Variants in ZNF319 observed in about 807,000 individuals in gnomAD.
ZNF319 encodes zinc finger protein 319.
Under a neutral mutation model 46.0 loss-of-function variants are expected in ZNF319, and 15 were observed. The observed-to-expected ratio is 0.33, with a 90% CI of 0.22 to 0.50. ZNF319 has a LOEUF of 0.50. Ranked by LOEUF, ZNF319 falls within the 20% of genes least tolerant of loss-of-function variation. The probability of loss-of-function intolerance (pLI) is 0.98; values close to 1 mark genes in which losing one functional copy is unlikely to be tolerated. For missense variants in ZNF319, 635 were observed against 807.0 expected, an observed-to-expected ratio of 0.79 and a Z score of 2.58; for synonymous variants, 368 against 364.0, an observed-to-expected ratio of 1.01 and a Z score of -0.13.
rs778607628 is a variant in ZNF319, at chr16:57,996,860, GAGA to G, written c.1403_1405del (p.Phe468del). Reference sequence around the variant, plus strand: ...GCGGTGCTGCACGAACTCGGAAGAGGAGAAGAAGCGGCGTTCGCAAAGCGTGCA... The same window carrying G: ...GCGGTGCTGCACGAACTCGGAAGAGGAGAAGCGGCGTTCGCAAAGCGTGCA... On this transcript the variant is annotated inframe_deletion, in exon 2 of 2. Transcript: ENST00000299237. 50 of 1,604,056 alleles carry G rather than the reference GAGA, an allele frequency of 3.1e-5. No homozygotes were observed. The highest frequency in any genetic ancestry group is 6.7e-5 in the African/African-American group (5 of 74,910).
chr16:57,996,581 G>A lies in ZNF319; in HGVS notation c.1685C>T (p.Ala562Val), dbSNP rs754076994. The A allele has an allele frequency of 6.3e-7, 1 of 1,595,866 alleles. No homozygotes were observed. Among genetic ancestry groups the A allele is most frequent in the Non-Finnish European group, 8.5e-7 (1 of 1,176,266 alleles). Residue 562 changes from alanine (A) to valine (V), a missense_variant, in exon 2 of 2, where the codon GCG (alanine) becomes GTG (valine). Physicochemically the swap from Ala to Val is moderately conservative, Grantham distance 64 (BLOSUM62 0). This residue lies in a region of ZNF319 where 270 missense variants were observed against 281.4 expected (regional missense o/e 0.96). Transcript: ENST00000299237. ...LDVALLQEHS[A>V]QHSAAAAAAE... Reference sequence around the variant, plus strand: ...TGCCGCGGCGGCGGCACTGTGCTGCGCGCTGTGCTCCTGCAACAAGGCCAC... The same window carrying A: ...TGCCGCGGCGGCGGCACTGTGCTGCACGCTGTGCTCCTGCAACAAGGCCAC...
Position 57,997,671 on chromosome 16 carries a change from C to T in ZNF319, c.595G>A (p.Asp199Asn), listed in dbSNP as rs775451328. The change falls in exon 2 of 2, where the codon GAC (aspartate) becomes AAC (asparagine). Residue 199 changes from aspartate (D) to asparagine (N), a missense_variant. Asp to Asn is a conservative substitution (Grantham distance 23). Transcript: ENST00000299237. ...PSTVTPAEQA[D>N]KPYSCPICQK... ...CAGATGGGGCAGCTGTAGGGCTTGT[C>T]GGCCTGTTCAGCAGGGGTGACAGTG... The T allele has an allele frequency of 4.3e-6, 7 of 1,613,900 alleles. No homozygotes were observed. Among genetic ancestry groups the T allele is most frequent in the Non-Finnish European group, 5.9e-6 (7 of 1,180,030 alleles).
chr16:58,000,166 C>G lies in ZNF319; in HGVS notation c.-931G>C, dbSNP rs1008622198. On this transcript the variant is annotated 5_prime_UTR_variant, in exon 1 of 2. Coordinates refer to ENST00000299237, the MANE Select transcript of ZNF319 (RefSeq NM_020807.3). This position sits in a 1 kb window ranked among gnomAD's most constrained non-coding sequence, Gnocchi z 4.5. The stretch of plus-strand genomic sequence containing the variant: ...CAGCCCTCGTCCGGGATGGCCCGGC[C>G]GCTGCGACCCGAGGGCGAGCCCCGA... Among the ~76,000 whole-genome samples, 1 of 152,172 alleles carries G rather than the reference C, an allele frequency of 6.6e-6. No individual in the cohort carries two copies. The highest frequency in any genetic ancestry group is 1.5e-5 in the Non-Finnish European group (1 of 68,006).
chr16:57,998,134 G>A lies in ZNF319; in HGVS notation c.132C>T (p.Pro44=). 3.1e-6 allele frequency: 5 copies of A among 1,593,866 alleles called. No individual in the cohort carries two copies. Among genetic ancestry groups the A allele is most frequent in the South Asian group, 1.1e-5 (1 of 89,488 alleles). ...HTLPPGTAEN[P]LGCAVYGILL... The stretch of plus-strand genomic sequence containing the variant: ...GGATGCCATAGACGGCACAGCCCAG[G>A]GGGTTCTCCGCCGTGCCCGGAGGCA... The change falls in exon 2 of 2, where the codon CCC becomes CCT. Residue 44 remains proline (P), a synonymous_variant. Transcript: ENST00000299237.
At position 57,996,387 on chromosome 16, in the gene ZNF319, C is replaced by G; in HGVS notation, c.*130G>C. 7.0e-7 allele frequency: 1 copy of G among 1,428,656 alleles called. No homozygotes were observed. The highest frequency in any genetic ancestry group is 2.6e-4 in the Middle Eastern group (1 of 3,878). 88.5% of individuals were successfully genotyped at this position (1,428,656 alleles called of 1,614,324 possible). A position where few individuals can be genotyped will look rare whatever the true frequency, so the allele number is the denominator to read the frequency against. The stretch of plus-strand genomic sequence containing the variant: ...GCCTCATACCCCTGCGTCCTCACTC[C>G]CGAGGTCTCAGAACACCGAGCTGGG... On this transcript the variant is annotated 3_prime_UTR_variant, in exon 2 of 2. Transcript: ENST00000299237.
In ZNF319 at chr16:57,996,986, G is replaced by C; in HGVS notation, c.1280C>G (p.Pro427Arg). The change falls in exon 2 of 2, where the codon CCC (proline) becomes CGC (arginine). Residue 427 changes from proline to arginine, a missense_variant. Physicochemically the swap from Pro to Arg is moderately radical, Grantham distance 103. Coordinates refer to ENST00000299237, the MANE Select transcript of ZNF319 (RefSeq NM_020807.3). ...CTTGTTGCACACAGGGCACTTGAAG[G>C]GCCGCTCGGCCGCGCCGGGCAGGCA... is the stretch of plus-strand genomic sequence containing the variant. ...HKCLPGAAER[P>R]FKCPVCNKAY... The C allele has an allele frequency of 1.2e-6, 2 of 1,604,942 alleles. No homozygotes were observed. Among genetic ancestry groups the C allele is most frequent in the African/African-American group, 1.3e-5 (1 of 75,056 alleles).
At chr16:57,999,395 C>T (rs1963103277) in intron 1 of ZNF319, 98 bp downstream of exon 1, 1 of 152,274 alleles carries the variant, frequency 6.6e-6, no homozygotes, top group African/African-American at 2.4e-5. Flanking sequence ...CTCATCACCT[C>T]TCTAGAGACA....
Position 57,999,849 on chromosome 16 carries a change from G to C in ZNF319, c.-614C>G, listed in dbSNP as rs984079335. On this transcript the variant is annotated 5_prime_UTR_variant, in exon 1 of 2. Transcript: ENST00000299237. ...GGTGGGCTTCTCTGAGCGCCTGTAG[G>C]TCCGCTGTGCCAACCCACTGTTTTG... is the stretch of plus-strand genomic sequence containing the variant. The C allele has an allele frequency of 6.5e-6, 1 of 152,758 alleles. No individual in the cohort carries two copies. Among genetic ancestry groups the C allele is most frequent in the African/African-American group, 2.4e-5 (1 of 41,476 alleles). The allele number at this position is 152,758 out of a possible 1,614,324, so 9.5% of individuals were successfully genotyped here. A position where few individuals can be genotyped will look rare whatever the true frequency, so the allele number is the denominator to read the frequency against.
Position 57,996,353 on chromosome 16 carries a change from C to T in ZNF319, c.*164G>A. The T allele has an allele frequency of 7.3e-7, 1 of 1,374,752 alleles. No homozygotes were observed. The highest frequency in any genetic ancestry group is 9.5e-7 in the Non-Finnish European group (1 of 1,051,764). The allele number at this position is 1,374,752 out of a possible 1,614,324, so 85.2% of individuals were successfully genotyped here. A position where few individuals can be genotyped will look rare whatever the true frequency, so the allele number is the denominator to read the frequency against. Reference sequence around the variant, plus strand: ...GGTGCCAGGAGTACGAGCGGCACACCCTCTCCCTGCCTCATACCCCTGCGT... The same window carrying T: ...GGTGCCAGGAGTACGAGCGGCACACTCTCTCCCTGCCTCATACCCCTGCGT... On this transcript the variant is annotated 3_prime_UTR_variant, in exon 2 of 2. Coordinates refer to ENST00000299237, the MANE Select transcript of ZNF319 (RefSeq NM_020807.3).
Position 57,998,407 on chromosome 16 carries a change from G to T in ZNF319, c.-142C>A. ...GCACAGAAGAGGGGCTGGTCAGACA[G>T]CCCGAGTCAGTAACCAAGCGGACAG... is the stretch of plus-strand genomic sequence containing the variant. On this transcript the variant is annotated 5_prime_UTR_variant, in exon 2 of 2. The change creates a new upstream start codon in the 5' untranslated region. Coordinates refer to ENST00000299237, the MANE Select transcript of ZNF319 (RefSeq NM_020807.3). 7.3e-7 allele frequency: 1 copy of T among 1,371,940 alleles called. No individual in the cohort carries two copies. Among genetic ancestry groups the T allele is most frequent in the Non-Finnish European group, 9.8e-7 (1 of 1,021,854 alleles). 85.0% of individuals were successfully genotyped at this position (1,371,940 alleles called of 1,614,324 possible). A position where few individuals can be genotyped will look rare whatever the true frequency, so the allele number is the denominator to read the frequency against.
At position 57,996,567 on chromosome 16, in the gene ZNF319, C is replaced by G. The variant is rs536589968; in HGVS notation, c.1699G>C (p.Ala567Pro). 6.3e-7 allele frequency: 1 copy of G among 1,579,784 alleles called. No individual in the cohort carries two copies. The highest frequency in any genetic ancestry group is 2.3e-5 in the East Asian group (1 of 43,442). The change falls in exon 2 of 2, where the codon GCC becomes CCC. Residue 567 changes from alanine to proline, a missense_variant. Ala to Pro is a conservative substitution (Grantham distance 27). This residue lies in a region of ZNF319 where 270 missense variants were observed against 281.4 expected (regional missense o/e 0.96). Coordinates refer to ENST00000299237, the MANE Select transcript of ZNF319 (RefSeq NM_020807.3). ...LQEHSAQHSA[A>P]AAAAEGAYQV... Reference sequence around the variant, plus strand: ...TAGGCGCCCTCCGCTGCCGCGGCGGCGGCACTGTGCTGCGCGCTGTGCTCC... The same window carrying G: ...TAGGCGCCCTCCGCTGCCGCGGCGGGGGCACTGTGCTGCGCGCTGTGCTCC...
chr16:57,998,019 G>C lies in ZNF319; in HGVS notation c.247C>G (p.His83Asp), dbSNP rs923156752. 6.2e-7 allele frequency: 1 copy of C among 1,612,066 alleles called. No individual in the cohort carries two copies. The change falls in exon 2 of 2, where the codon CAC becomes GAC. Residue 83 changes from histidine (H) to aspartate (D), a missense_variant. This residue lies in a region of ZNF319 where 227 missense variants were observed against 277.5 expected (regional missense o/e 0.82). Coordinates refer to ENST00000299237, the MANE Select transcript of ZNF319 (RefSeq NM_020807.3). Reference sequence around the variant, plus strand: ...GGACTGGACAGGTGCGCCAGGTCGTGACCACACACGCCACATTTGGGGCCT... The same window carrying C: ...GGACTGGACAGGTGCGCCAGGTCGTCACCACACACGCCACATTTGGGGCCT... ...EPGPKCGVCGHDLAHLSSPHE... is the reference protein window; with the variant it reads ...EPGPKCGVCGDDLAHLSSPHE...
At position 57,998,365 on chromosome 16, in the gene ZNF319, C is replaced by G; in HGVS notation, c.-100G>C. On this transcript the variant is annotated 5_prime_UTR_variant, in exon 2 of 2. Transcript: ENST00000299237. ...GAAGCTGCCCAATCACAGAGATGGA[C>G]AAGGACCTCAGACAAGGCACAGAAG... 6.6e-7 allele frequency: 1 copy of G among 1,505,022 alleles called. No homozygotes were observed. The highest frequency in any genetic ancestry group is 8.9e-7 in the Non-Finnish European group (1 of 1,127,008). The allele number at this position is 1,505,022 out of a possible 1,614,324, so 93.2% of individuals were successfully genotyped here. A position where few individuals can be genotyped will look rare whatever the true frequency, so the allele number is the denominator to read the frequency against.
At chr16:57,998,551 G>C (rs963307208) in intron 1 of ZNF319, 29 bp from the exon 2 acceptor site, 44 of 375,452 alleles carry the variant, frequency 1.2e-4, no homozygotes, top group African/African-American at 8.9e-4. Context: ...GTATGAGCTC[G>C]AGGAAGGAAC....
rs1019026136 is a variant in ZNF319 at position 57,999,782 on chromosome 16, A to T, written c.-547T>A. ...GTGGAGGCAGCAGGTTGCTTGAGCA[A>T]GCAGGTACCACTCTAAGCCTTCTCG... is the stretch of plus-strand genomic sequence containing the variant. On this transcript the variant is annotated 5_prime_UTR_variant, in exon 1 of 2. The change creates a new upstream start codon in the 5' untranslated region. Transcript: ENST00000299237. 5 of 152,336 alleles carry T rather than the reference A, an allele frequency of 3.3e-5. No homozygotes were observed. Among genetic ancestry groups the T allele is most frequent in the African/African-American group, 7.2e-5 (3 of 41,450 alleles). The allele number at this position is 152,336 out of a possible 1,614,324, so 9.4% of individuals were successfully genotyped here.
chr16:57,996,810 G>T lies in ZNF319; in HGVS notation c.1456C>A (p.Leu486Ile). The change falls in exon 2 of 2, where the codon CTC (leucine) becomes ATC (isoleucine). Residue 486 changes from leucine (L) to isoleucine (I), a missense_variant. Leu to Ile is a conservative substitution (Grantham distance 5). Coordinates refer to ENST00000299237, the MANE Select transcript of ZNF319 (RefSeq NM_020807.3). Reference protein sequence around the residue: ...HRCDPAREKPLKCPDCEKRFK... With the variant: ...HRCDPAREKPIKCPDCEKRFK... ...CGTTTCTCGCAGTCTGGGCACTTGA[G>T]TGGCTTCTCGCGGGCCGGATCGCAG... The T allele has an allele frequency of 6.2e-7, 1 of 1,609,854 alleles. No homozygotes were observed.
Position 57,997,249 on chromosome 16 carries a change from G to A in ZNF319, c.1017C>T (p.Ala339=). ...DLRQHERTHS[A]ERPFKCDLCP... is the part of the protein sequence containing the mutation. ...ACAGGTCGCACTTGAAGGGCCGCTC[G>A]GCGCTGTGTGTGCGCTCATGCTGCC... Residue 339 remains alanine (A), a synonymous_variant, in exon 2 of 2, where the codon GCC becomes GCT. Coordinates refer to ENST00000299237, the MANE Select transcript of ZNF319 (RefSeq NM_020807.3). 3.7e-6 allele frequency: 6 copies of A among 1,612,024 alleles called. No individual in the cohort carries two copies. Among genetic ancestry groups the A allele is most frequent in the Admixed American group, 1.7e-5 (1 of 60,006 alleles).
chr16:57,998,572 T>C (rs973206776), intron 1 of ZNF319, 50 bp from the exon 2 acceptor site: 28 of 325,302 alleles, frequency 8.6e-5, no homozygotes, highest in Non-Finnish European at 1.1e-4. Context: ...AAGCAGCAGT[T>C]TCCTGGGCCT....
chr16:57,997,059 C>G lies in ZNF319; in HGVS notation c.1207G>C (p.Val403Leu). Residue 403 changes from valine to leucine, a missense_variant, in exon 2 of 2, where the codon GTG (valine) becomes CTG (leucine). By Grantham distance (32) the Val-to-Leu change is conservative (BLOSUM62 1). Transcript: ENST00000299237. ...HTLETLFKCPVCQKGFDQSAE... is the reference protein window; with the variant it reads ...HTLETLFKCPLCQKGFDQSAE... Reference sequence around the variant, plus strand: ...GATTGGTCAAAGCCTTTCTGGCACACGGGGCACTTGAAGAGAGTCTCGAGG... The same window carrying G: ...GATTGGTCAAAGCCTTTCTGGCACAGGGGGCACTTGAAGAGAGTCTCGAGG... 1 of 1,613,532 alleles carries G rather than the reference C, an allele frequency of 6.2e-7. No individual in the cohort carries two copies. Among genetic ancestry groups the G allele is most frequent in the South Asian group, 1.1e-5 (1 of 91,080 alleles).
Sources: allele counts gnomAD v4.1 joint callset (sites outside exome capture counted in the v4.1 genomes callset), GRCh38; gene constraint gnomAD v4.1.1; regional missense constraint gnomAD v4.1.1; non-coding constraint Gnocchi (gnomAD v3.1); transcripts MANE v1.5; gene names NCBI Gene and HGNC (gene_info 2026-07-23, HGNC 2026-07-21).